Variants in SATB1 observed in about 807,000 individuals in gnomAD.
The protein encoded by SATB1 is DNA-binding protein SATB1.
Under a neutral mutation model 86.9 loss-of-function variants are expected in SATB1, and 11 were observed. That is an observed-to-expected ratio of 0.13 (90% CI 0.08 to 0.21). SATB1 has a LOEUF of 0.21. Among genes scored for constraint, SATB1 ranks in the 10% least tolerant of loss-of-function variants. The pLI, the probability that SATB1 is intolerant of heterozygous loss-of-function variation, is 1.00. For synonymous variants in SATB1, 357 were observed against 357.2 expected (o/e 1.00, Z 0.01); for missense variants, 551 against 937.6 (o/e 0.59, Z 5.39).
At chr3:18,373,971 T>C (rs1170679668) in intron 9 of SATB1, among the ~76,000 whole-genome samples, 1 of 152,206 alleles carries the variant, frequency 6.6e-6, no homozygotes, top group African/African-American at 2.4e-5. Context: ...ACCAGCTAGT[T>C]GCTTTATCCA....
In SATB1 at chr3:18,386,273, G is replaced by A; in HGVS notation, c.1419+126C>T. 1.4e-6 allele frequency: 1 copy of A among 738,704 alleles called. No homozygotes were observed. The highest frequency in any genetic ancestry group is 2.2e-6 in the Non-Finnish European group (1 of 451,078). 45.8% of individuals were successfully genotyped at this position (738,704 alleles called of 1,614,324 possible). ...TGATTTGGGACCAAATTCTCCTCAAGCAACTATACGAATTTAAAAACATAT... is the reference window on the plus strand; with the variant it reads ...TGATTTGGGACCAAATTCTCCTCAAACAACTATACGAATTTAAAAACATAT... On this transcript the variant is annotated intron_variant, in intron 8 of 10. Transcript: ENST00000338745. This position sits in a 1 kb window ranked among gnomAD's most constrained non-coding sequence, Gnocchi z 4.5.
At chr3:18,439,353 A>C (rs530382713), upstream of SATB1, among the ~76,000 whole-genome samples, 1 of 152,372 alleles carries the variant, frequency 6.6e-6, no homozygotes, top group East Asian at 1.9e-4. Context: ...TGTTGAAGAA[A>C]TGCTACACTA....
At chr3:18,433,626 T>C (rs1698962647) in intron 2 of SATB1, among the ~76,000 whole-genome samples, 1 of 152,130 alleles carries the variant, frequency 6.6e-6, no homozygotes, top group African/African-American at 2.4e-5. Flanking sequence ...TTCGTATCTG[T>C]ATTTTTTTCT....
At chr3:18,370,836 G>A (rs1417400748) in intron 9 of SATB1, among the ~76,000 whole-genome samples, 3 of 152,196 alleles carry the variant, frequency 2.0e-5, no homozygotes, top group Admixed American at 6.5e-5. Context: ...TATGCCAAGC[G>A]CTGTCACAGA....
intron 7 of SATB1, among the ~76,000 whole-genome samples, chr3:18,391,712 T>C (rs1013583954): frequency 2.0e-5 from 3 of 152,144 alleles, no homozygotes; most frequent in Non-Finnish European, 4.4e-5. Context: ...GTGATTTAAC[T>C]CTGCAGAGCT....
intron 7 of SATB1, among the ~76,000 whole-genome samples, chr3:18,388,716 T>C (rs1696474917): frequency 6.6e-6 from 1 of 152,160 alleles, no homozygotes; most frequent in African/African-American, 2.4e-5. Context: ...TGAAAAGTTC[T>C]GTGGCATTTT....
intron 5 of SATB1, chr3:18,411,057 G>A: frequency 2.5e-6 from 1 of 393,350 alleles, no homozygotes; most frequent in East Asian, 3.6e-5. Context: ...TCAGGATGCT[G>A]TGAATAAAAG....
rs547355217 is a variant in SATB1, at chr3:18,424,590, G to A, written c.-988C>T. ...GGAGAGAAGAGGTTCGGGGGGAGGG[G>A]GAGGAGGAGGAAGATCAGAAGGCAC... On this transcript the variant is annotated 5_prime_UTR_variant, in exon 1 of 11. Coordinates refer to ENST00000338745, the MANE Select transcript of SATB1 (RefSeq NM_002971.6). 4 of 152,258 alleles carry A rather than the reference G, an allele frequency of 2.6e-5. No individual in the cohort carries two copies. Among genetic ancestry groups the A allele is most frequent in the African/African-American group, 9.7e-5 (4 of 41,446 alleles). The allele number at this position is 152,258 out of a possible 1,614,324, so 9.4% of individuals were successfully genotyped here.
At position 18,420,953 on chromosome 3, in the gene SATB1, G is replaced by A. The variant is rs1451682726; in HGVS notation, c.15C>T (p.Asn5=). 3.1e-6 allele frequency: 5 copies of A among 1,614,004 alleles called. No individual in the cohort carries two copies. The highest frequency in any genetic ancestry group is 2.2e-5 in the East Asian group (1 of 44,890). ...AATGTTCTTTCCCCTGAGTTGCCTC[G>A]TTCAAATGATCCATACTCAGTCACT... is the stretch of plus-strand genomic sequence containing the variant. The part of the protein sequence containing the change: MDHL[N]EATQGKEHSE... The change falls in exon 2 of 11, where the codon AAC becomes AAT. Residue 5 remains asparagine (N), a synonymous_variant. Transcript: ENST00000338745.
intron 5 of SATB1, among the ~76,000 whole-genome samples, chr3:18,414,482 G>A (rs1445202098): frequency 2.0e-5 from 3 of 151,664 alleles, no homozygotes; most frequent in East Asian, 1.9e-4. Flanking sequence ...ATCCCTGATG[G>A]TATAACAGGC....
At chr3:18,416,283 C>A (rs1200241175) in intron 3 of SATB1, 150 bp from the exon 4 acceptor site, 2 of 525,968 alleles carry the variant, frequency 3.8e-6, no homozygotes, top group Non-Finnish European at 6.2e-6. Flanking sequence ...AAAGGCAGGT[C>A]AATGAAAATA....
Position 18,348,267 on chromosome 3 carries a change from A to G in SATB1, c.*903T>C, listed in dbSNP as rs1394729084. Reference sequence around the variant, plus strand: ...ATGATAGTAAAAATTGCATACAACAATAAGAGTGAAGCTTATAGTATGAAT... The same window carrying G: ...ATGATAGTAAAAATTGCATACAACAGTAAGAGTGAAGCTTATAGTATGAAT... On this transcript the variant is annotated 3_prime_UTR_variant, in exon 11 of 11. Coordinates refer to ENST00000338745, the MANE Select transcript of SATB1 (RefSeq NM_002971.6). 1 of 152,648 alleles carries G rather than the reference A, an allele frequency of 6.6e-6. No individual in the cohort carries two copies. Among genetic ancestry groups the G allele is most frequent in the African/African-American group, 2.4e-5 (1 of 41,464 alleles). The allele number at this position is 152,648 out of a possible 1,614,324, so 9.5% of individuals were successfully genotyped here. A position where few individuals can be genotyped will look rare whatever the true frequency, so the allele number is the denominator to read the frequency against.
Position 18,423,976 on chromosome 3 carries a change from G to C in SATB1, c.-374C>G, listed in dbSNP as rs913267713. 3 of 152,284 alleles carry C rather than the reference G, an allele frequency of 2.0e-5. No individual in the cohort carries two copies. The highest frequency in any genetic ancestry group is 7.2e-5 in the African/African-American group (3 of 41,498). 9.4% of individuals were successfully genotyped at this position (152,284 alleles called of 1,614,324 possible). On this transcript the variant is annotated 5_prime_UTR_variant, in exon 1 of 11. Coordinates refer to ENST00000338745, the MANE Select transcript of SATB1 (RefSeq NM_002971.6). ...AGGGTTTGCGATGGGGAGGAGGGGA[G>C]AGTGGGAAGCAGGGAGGAGGAAGAA... is the stretch of plus-strand genomic sequence containing the variant.
Position 18,424,327 on chromosome 3 carries a change from C to CCG in SATB1, c.-726_-725insCG, listed in dbSNP as rs1698549906. The CCG allele has an allele frequency of 6.7e-6, 1 of 148,412 alleles. No homozygotes were observed. Among genetic ancestry groups the CCG allele is most frequent in the South Asian group, 2.1e-4 (1 of 4,796 alleles). The allele number at this position is 148,412 out of a possible 1,614,324, so 9.2% of individuals were successfully genotyped here. A position where few individuals can be genotyped will look rare whatever the true frequency, so the allele number is the denominator to read the frequency against. ...GCCTCCCTTCCAATCACCCCCACCC[C>CCG]CCTCGCCAACAATCGCGACTAATAT... On this transcript the variant is annotated 5_prime_UTR_variant, in exon 1 of 11. Transcript: ENST00000338745.
chr3:18,387,259 T>C (rs1023465754), intron 7 of SATB1, among the ~76,000 whole-genome samples: 2 of 152,216 alleles, frequency 1.3e-5, no homozygotes, highest in Non-Finnish European at 2.9e-5. Flanking sequence ...TCTTGCTGTA[T>C]TATACCACTG....
In SATB1 at chr3:18,390,189, A is replaced by G. The variant is rs912159574; in HGVS notation, c.1207-3578T>C. ...AAAGAGACTGCCAATCTGAACAAAA[A>G]GGCTGTCTGGCCTCCCGTTTGTCTC... On this transcript the variant is annotated intron_variant, in intron 7 of 10. Coordinates refer to ENST00000338745, the MANE Select transcript of SATB1 (RefSeq NM_002971.6). Among the ~76,000 whole-genome samples, 4 of 152,208 alleles carry G rather than the reference A, an allele frequency of 2.6e-5. No homozygotes were observed. The East Asian group carries it at 7.7e-4, about 29-fold the overall frequency.
intron 9 of SATB1, among the ~76,000 whole-genome samples, chr3:18,359,943 T>TC (rs1279450186): frequency 6.6e-6 from 1 of 152,088 alleles, no homozygotes; most frequent in Non-Finnish European, 1.5e-5. Context: ...CTGGAGCACC[T>TC]CTTCCTTGAA....
chr3:18,365,999 A>G (rs960373793), intron 9 of SATB1, among the ~76,000 whole-genome samples: 7 of 152,176 alleles, frequency 4.6e-5, no homozygotes, highest in Non-Finnish European at 8.8e-5. Context: ...TGTATATTTT[A>G]TTTACAACCT....
At chr3:18,357,616 C>G (rs1694712261) in intron 9 of SATB1, among the ~76,000 whole-genome samples, 1 of 146,058 alleles carries the variant, frequency 6.8e-6, no homozygotes. Context: ...GTTCTACAAG[C>G]TGGGGGAAAA....
Sources: gnomAD v4.1 joint callset for allele counts (sites outside exome capture counted in the v4.1 genomes callset) on GRCh38, gnomAD v4.1.1 for gene constraint, Gnocchi (gnomAD v3.1) non-coding constraint, MANE v1.5 for transcripts, NCBI Gene and HGNC (gene_info 2026-07-23, HGNC 2026-07-21) for gene names.